Variants in TTC39B observed in about 807,000 individuals in gnomAD.
TTC39B encodes tetratricopeptide repeat protein 39B.
Under a neutral mutation model 96.6 loss-of-function variants are expected in TTC39B, and 92 were observed. The observed-to-expected ratio is 0.95, with a 90% CI of 0.80 to 1.13. The LOEUF (loss-of-function observed/expected upper bound fraction) is 1.13, where lower values mean the gene tolerates loss of function less well. Ranked by LOEUF, TTC39B falls within the 50% of genes most tolerant of loss-of-function variation. The pLI is 0.00. For synonymous variants in TTC39B, 367 were observed against 299.4 expected (o/e 1.23, Z -2.33); for missense variants, 955 against 809.3 (o/e 1.18, Z -2.18).
chr9:15,189,856 C>A, intron 11 of TTC39B, 64 bp from the exon 12 acceptor site: 1 of 1,149,612 alleles, frequency 8.7e-7, no homozygotes, highest in South Asian at 1.3e-5. Flanking sequence ...AACCAGCTCT[C>A]CAAATTTCAT....
chr9:15,245,844 C>T (rs1822249182), intron 2 of TTC39B, among the ~76,000 whole-genome samples: 1 of 152,332 alleles, frequency 6.6e-6, no homozygotes, highest in East Asian at 1.9e-4. Flanking sequence ...GTAAACCATG[C>T]ATGAAATTCA....
intron 1 of TTC39B, among the ~76,000 whole-genome samples, chr9:15,286,592 G>A (rs1433121177): frequency 6.6e-6 from 1 of 152,154 alleles, no homozygotes; most frequent in African/African-American, 2.4e-5. Flanking sequence ...GAAGTCTCCG[G>A]TGAGATAGTG....
rs1822633883 is a variant in TTC39B, at chr9:15,253,347, A to G, written c.275+14567T>C. On this transcript the variant is annotated intron_variant, in intron 2 of 19. Transcript: ENST00000512701. ...GGAAGGAGAGTGATTTGAAGATGCT[A>G]TGCTGCTGGCTTTGAAGATGCAGGA... Among the ~76,000 whole-genome samples the G allele has an allele frequency of 2.0e-5, 3 of 152,346 alleles. No individual in the cohort carries two copies. In the South Asian group the frequency reaches 6.2e-4, roughly 32 times the overall value.
At chr9:15,296,907 A>G (rs564792874) in intron 1 of TTC39B, among the ~76,000 whole-genome samples, 213 of 152,316 alleles carry the variant, frequency 1.4e-3, no homozygotes, top group Middle Eastern at 3.4e-3. Context: ...GGATCCCTTG[A>G]GCCCAGGGGG....
intron 6 of TTC39B, among the ~76,000 whole-genome samples, chr9:15,204,753 A>G (rs774852306): frequency 5.3e-5 from 8 of 152,150 alleles, no homozygotes; most frequent in Non-Finnish European, 1.0e-4. Context: ...CCTGATATAG[A>G]AAGAGGTAGC....
At chr9:15,262,983 C>T (rs973217045) in intron 2 of TTC39B, among the ~76,000 whole-genome samples, 1 of 152,052 alleles carries the variant, frequency 6.6e-6, no homozygotes, top group African/African-American at 2.4e-5. Context: ...ATTGACAAAC[C>T]CTGAAATTAG....
chr9:15,294,354 C>T (rs891929347), intron 1 of TTC39B, among the ~76,000 whole-genome samples: 2 of 152,192 alleles, frequency 1.3e-5, no homozygotes, highest in Non-Finnish European at 2.9e-5. Flanking sequence ...TGAACACAAA[C>T]ATACCTTTTA....
At chr9:15,212,326 T>TCA (rs1186085729) in intron 4 of TTC39B, among the ~76,000 whole-genome samples, 1 of 149,560 alleles carries the variant, frequency 6.7e-6, no homozygotes, top group Non-Finnish European at 1.5e-5. Flanking sequence ...CCAAAGTTAA[T>TCA]CATTAATTGT....
At chr9:15,299,593 CT>C (rs1413154399) in intron 1 of TTC39B, among the ~76,000 whole-genome samples, 1 of 152,104 alleles carries the variant, frequency 6.6e-6, no homozygotes, top group Non-Finnish European at 1.5e-5. Context: ...AGGAAAATCT[CT>C]CCCCCAGGAA....
exon 8 of TTC39B, chr9:15,199,870 T>G (rs1819430140): frequency 5.2e-6 from 8 of 1,531,646 alleles, no homozygotes; most frequent in Non-Finnish European, 7.2e-6. Flanking sequence ...CTTATATATT[T>G]GGTAACTTGT....
At chr9:15,170,635 G>A (rs560079054) in exon 20 of TTC39B, 2 of 152,226 alleles carry the variant, frequency 1.3e-5, no homozygotes, top group Admixed American at 1.3e-4. Flanking sequence ...TTAACCCACA[G>A]AGATGAACTC....
chr9:15,188,097 T>C (rs371262247), exon 14 of TTC39B: 4 of 1,608,992 alleles, frequency 2.5e-6, no homozygotes, highest in South Asian at 2.2e-5. Context: ...TCCATTCTTC[T>C]TGAACTGAAA....
At chr9:15,212,020 A>G (rs1820229810) in intron 4 of TTC39B, among the ~76,000 whole-genome samples, 1 of 152,248 alleles carries the variant, frequency 6.6e-6, no homozygotes, top group South Asian at 2.1e-4. Flanking sequence ...GATGTTAACT[A>G]GAACTAGTCC....
At chr9:15,203,758 C>T (rs998819358) in intron 7 of TTC39B, 65 bp downstream of exon 7, 3 of 1,341,236 alleles carry the variant, frequency 2.2e-6, no homozygotes, top group Non-Finnish European at 2.1e-6. Flanking sequence ...GAATGCACCA[C>T]ATTTTTCTAT....
chr9:15,254,939 T>C (rs1203748062), intron 2 of TTC39B, among the ~76,000 whole-genome samples: 1 of 148,676 alleles, frequency 6.7e-6, no homozygotes, highest in African/African-American at 2.5e-5. Flanking sequence ...ACTACTAAAA[T>C]AAATAAAAAT....
chr9:15,194,226 T>C (rs1225614890), intron 8 of TTC39B, among the ~76,000 whole-genome samples: 1 of 152,230 alleles, frequency 6.6e-6, no homozygotes, highest in African/African-American at 2.4e-5. Flanking sequence ...TTAAAGCCTT[T>C]ATATTTAAGA....
intron 2 of TTC39B, among the ~76,000 whole-genome samples, chr9:15,226,912 G>C (rs552716095): frequency 6.6e-6 from 1 of 152,182 alleles, no homozygotes; most frequent in East Asian, 1.9e-4. Context: ...TCACAGAGAA[G>C]AGCTAGAGTC....
intron 1 of TTC39B, among the ~76,000 whole-genome samples, chr9:15,272,442 A>G (rs1394066836): frequency 6.6e-6 from 1 of 152,198 alleles, no homozygotes; most frequent in African/African-American, 2.4e-5. Flanking sequence ...GTAAAGTAAG[A>G]CAGGAGAGCT....
intron 1 of TTC39B, among the ~76,000 whole-genome samples, chr9:15,283,192 G>A (rs1823832280): frequency 1.3e-5 from 2 of 152,112 alleles, no homozygotes; most frequent in Admixed American, 6.5e-5. Context: ...ATACACTAAT[G>A]TGTTTATTTA....
Sources: gnomAD v4.1 joint callset for allele counts (sites outside exome capture counted in the v4.1 genomes callset) on GRCh38, gnomAD v4.1.1 for gene constraint, MANE v1.5 for transcripts, NCBI Gene and HGNC (gene_info 2026-07-23, HGNC 2026-07-21) for gene names.